Variants in IDH3B observed in about 807,000 individuals in gnomAD.
IDH3B encodes isocitrate dehydrogenase [NAD] subunit beta, mitochondrial.
A neutral mutation model predicts 47.5 loss-of-function variants in IDH3B; 40 were observed. That is an observed-to-expected ratio of 0.84 (90% CI 0.65 to 1.10). IDH3B has a LOEUF of 1.10. Ranked by LOEUF, IDH3B falls within the 50% of genes least tolerant of loss-of-function variation. The pLI, the probability that IDH3B is intolerant of heterozygous loss-of-function variation, is 0.00. For synonymous variants in IDH3B, 185 were observed against 191.0 expected (o/e 0.97, Z 0.26); for missense variants, 450 against 505.2 (o/e 0.89, Z 1.05).
Position 2,658,851 on chromosome 20 carries a change from C to T in IDH3B, c.1072-14G>A, listed in dbSNP as rs761146981. On this transcript the variant is annotated splice_polypyrimidine_tract_variant and intron_variant, in intron 11 of 11. Transcript: ENST00000380843. ...TCGAGTCCGCACCTACAGCCACCACCGGCAACAGCCGTGGGGAGGGAGAAA... is the reference window on the plus strand; with the variant it reads ...TCGAGTCCGCACCTACAGCCACCACTGGCAACAGCCGTGGGGAGGGAGAAA... The T allele has an allele frequency of 1.4e-5, 22 of 1,613,856 alleles. No homozygotes were observed. Among genetic ancestry groups the T allele is most frequent in the African/African-American group, 2.7e-5 (2 of 74,872 alleles).
At position 2,659,592 on chromosome 20, in the gene IDH3B, A is replaced by C; in HGVS notation, c.1011-7T>G. The stretch of plus-strand genomic sequence containing the variant: ...GCTGGAGTGATACTCAAGACTGTGG[A>C]TATGGACAGGAAGAAACTGTGACTC... On this transcript the variant is annotated splice_polypyrimidine_tract_variant and splice_region_variant and intron_variant, in intron 10 of 11. Transcript: ENST00000380843. 1 of 1,614,092 alleles carries C rather than the reference A, an allele frequency of 6.2e-7. No homozygotes were observed. The highest frequency in any genetic ancestry group is 1.7e-5 in the Admixed American group (1 of 60,024).
Position 2,658,850 on chromosome 20 carries a change from C to G in IDH3B, c.1072-13G>C. 1 of 1,614,048 alleles carries G rather than the reference C, an allele frequency of 6.2e-7. No homozygotes were observed. The highest frequency in any genetic ancestry group is 8.5e-7 in the Non-Finnish European group (1 of 1,180,020). On this transcript the variant is annotated splice_polypyrimidine_tract_variant and intron_variant, in intron 11 of 11. Transcript: ENST00000380843. ...CTCGAGTCCGCACCTACAGCCACCA[C>G]CGGCAACAGCCGTGGGGAGGGAGAA...
intron 4 of IDH3B, among the ~76,000 whole-genome samples, chr20:2,663,235 G>A (rs1230168226): frequency 6.6e-6 from 1 of 152,034 alleles, no homozygotes; most frequent in African/African-American, 2.4e-5. Flanking sequence ...CCTCAGGACA[G>A]ACTCAGAACC....
intron 11 of IDH3B, 65 bp downstream of exon 11, chr20:2,659,460 G>A (rs893888893): frequency 8.9e-6 from 14 of 1,569,030 alleles, no homozygotes; most frequent in African/African-American, 1.4e-5. Flanking sequence ...CCAGAGGGTA[G>A]TGCCGAGGTG....
In IDH3B at chr20:2,659,742, T is replaced by C. The variant is rs1337430813; in HGVS notation, c.967A>G (p.Thr323Ala). 6.2e-7 allele frequency: 1 copy of C among 1,614,078 alleles called. No individual in the cohort carries two copies. The highest frequency in any genetic ancestry group is 8.5e-7 in the Non-Finnish European group (1 of 1,179,990). The change falls in exon 10 of 12, where the codon ACG (threonine) becomes GCG (alanine). Residue 323 changes from threonine (T) to alanine (A), a missense_variant. Coordinates refer to ENST00000380843, the MANE Select transcript of IDH3B (RefSeq NM_006899.5). ...TTGGAAGCCGACAGCAGCATGGCCG[T>C]GGGATTGGCTATATTCCTGCCCACT... ...QAVGRNIANP[T>A]AMLLSASNML...
At position 2,658,741 on chromosome 20, in the gene IDH3B, A is replaced by G. The variant is rs748399410; in HGVS notation, c.*10T>C. 2 of 1,614,188 alleles carry G rather than the reference A, an allele frequency of 1.2e-6. No homozygotes were observed. Among genetic ancestry groups the G allele is most frequent in the South Asian group, 1.1e-5 (1 of 91,088 alleles). ...TGTGGTCCTTGCAAGGTTGGAAGAAATAAAGGGCTCTAGCTCCCTTTAGTC... is the reference window on the plus strand; with the variant it reads ...TGTGGTCCTTGCAAGGTTGGAAGAAGTAAAGGGCTCTAGCTCCCTTTAGTC... On this transcript the variant is annotated 3_prime_UTR_variant, in exon 12 of 12. Coordinates refer to ENST00000380843, the MANE Select transcript of IDH3B (RefSeq NM_006899.5).
chr20:2,658,903 A>C (rs1363114454), intron 11 of IDH3B, 66 bp from the exon 12 acceptor site: 2 of 1,605,740 alleles, frequency 1.2e-6, no homozygotes, highest in South Asian at 2.2e-5. Flanking sequence ...GAGGTAGGGC[A>C]ATGTGATTGA....
intron 4 of IDH3B, among the ~76,000 whole-genome samples, 169 bp downstream of exon 4, chr20:2,663,277 G>A (rs1463334623): frequency 6.6e-6 from 1 of 152,224 alleles, no homozygotes; most frequent in East Asian, 1.9e-4. Context: ...CAGCTGACAT[G>A]ATCTCTCAAC....
intron 11 of IDH3B, 141 bp from the exon 12 acceptor site, chr20:2,658,978 G>A: frequency 3.0e-6 from 4 of 1,324,064 alleles, no homozygotes; most frequent in Admixed American, 3.1e-5. Flanking sequence ...GGAAGGAGGA[G>A]CCAGGATGGG....
intron 4 of IDH3B, among the ~76,000 whole-genome samples, chr20:2,662,605 G>A (rs570863756): frequency 2.0e-5 from 3 of 152,130 alleles, no homozygotes; most frequent in Non-Finnish European, 4.4e-5. Context: ...GATCACTTGA[G>A]GTCAAGAGTT....
rs745423318 is a variant in IDH3B, at chr20:2,664,051, C to T, written c.37-46G>A. 1.4e-5 allele frequency: 22 copies of T among 1,611,878 alleles called. No homozygotes were observed. In the Admixed American group the frequency reaches 3.7e-4, roughly 27 times the overall value. ...CCTGTAAGGTCAGCTTTGAGACATC[C>T]AGACCCCGAACACTACAGTTGACTT... On this transcript the variant is annotated intron_variant, in intron 1 of 11. Coordinates refer to ENST00000380843, the MANE Select transcript of IDH3B (RefSeq NM_006899.5).
At chr20:2,659,348 CAA>C (rs2086891804) in intron 11 of IDH3B, 175 bp downstream of exon 11, 2 of 1,572,026 alleles carry the variant, frequency 1.3e-6, no homozygotes, top group Admixed American at 1.8e-5. Flanking sequence ...ATGAAACAGC[CAA>C]GAGAAGGGAG....
Position 2,664,176 on chromosome 20 carries a change from T to C in IDH3B, c.13A>G (p.Ser5Gly). The change falls in exon 1 of 12, where the codon AGC (serine) becomes GGC (glycine). Residue 5 changes from serine to glycine, a missense_variant. Ser to Gly is a moderately conservative substitution (Grantham distance 56, BLOSUM62 0). Coordinates refer to ENST00000380843, the MANE Select transcript of IDH3B (RefSeq NM_006899.5). MAAL[S>G]GVRWLTRALV... is the part of the protein sequence containing the mutation. Reference sequence around the variant, plus strand: ...ACTCGGGTCAGCCAGCGGACTCCGCTCAATGCCGCCATGTTTCCCGCAGGA... The same window carrying C: ...ACTCGGGTCAGCCAGCGGACTCCGCCCAATGCCGCCATGTTTCCCGCAGGA... 1.9e-6 allele frequency: 3 copies of C among 1,613,610 alleles called. No homozygotes were observed. Among genetic ancestry groups the C allele is most frequent in the African/African-American group, 1.3e-5 (1 of 75,058 alleles).
intron 4 of IDH3B, 86 bp downstream of exon 4, chr20:2,663,360 A>T (rs1193334162): frequency 2.8e-5 from 41 of 1,488,948 alleles, no homozygotes; most frequent in Non-Finnish European, 3.8e-5. Context: ...ATATAATTGC[A>T]TAGCATGTGG....
rs372695739 is a variant in IDH3B, at chr20:2,664,105, C to G, written c.36+48G>C. On this transcript the variant is annotated intron_variant, in intron 1 of 11. Coordinates refer to ENST00000380843, the MANE Select transcript of IDH3B (RefSeq NM_006899.5). Reference sequence around the variant, plus strand: ...CCTGTTTAGGAAACCCTAGGACAAACTCTCCGCTCCTTCGCCCGCCCCTGC... The same window carrying G: ...CCTGTTTAGGAAACCCTAGGACAAAGTCTCCGCTCCTTCGCCCGCCCCTGC... 13 of 1,607,098 alleles carry G rather than the reference C, an allele frequency of 8.1e-6. No individual in the cohort carries two copies. The African/African-American group carries it at 1.7e-4, about 21-fold the overall frequency.
In IDH3B at chr20:2,658,798, C is replaced by T. The variant is rs748311431; in HGVS notation, c.1111G>A (p.Asp371Asn). 7 of 1,614,172 alleles carry T rather than the reference C, an allele frequency of 4.3e-6. No individual in the cohort carries two copies. The highest frequency in any genetic ancestry group is 1.1e-5 in the South Asian group (1 of 91,084). The change falls in exon 12 of 12, where the codon GAC (aspartate) becomes AAC (asparagine). Residue 371 changes from aspartate (D) to asparagine (N), a missense_variant. Coordinates refer to ENST00000380843, the MANE Select transcript of IDH3B (RefSeq NM_006899.5). The part of the protein sequence containing the change: ...RDMGGYSTTT[D>N]FIKSVIGHLQ... ...TGACCGATGACAGACTTGATGAAGT[C>T]GGTTGTGGTGCTGTAGCCGCCCATG... is the stretch of plus-strand genomic sequence containing the variant.
intron 4 of IDH3B, among the ~76,000 whole-genome samples, chr20:2,661,749 G>T (rs1383845590): frequency 6.6e-6 from 1 of 152,254 alleles, no homozygotes; most frequent in South Asian, 2.1e-4. Context: ...TGAAAGACAT[G>T]ATAAGTACCA....
Position 2,660,351 on chromosome 20 carries a change from C to G in IDH3B, c.680G>C (p.Gly227Ala). The G allele has an allele frequency of 6.2e-7, 1 of 1,614,122 alleles. No homozygotes were observed. The highest frequency in any genetic ancestry group is 1.7e-5 in the Admixed American group (1 of 60,020). The stretch of plus-strand genomic sequence containing the variant: ...TTCCTCACAGCACTGCAGGAACAAC[C>G]CATCCCCAAGTTTCCTGTCCATGGG... ...HKANIMKLGDGLFLQCCEEVA... is the reference protein window; with the variant it reads ...HKANIMKLGDALFLQCCEEVA... Residue 227 changes from glycine to alanine, a missense_variant, in exon 8 of 12, where the codon GGG (glycine) becomes GCG (alanine). Transcript: ENST00000380843. This position sits in a 1 kb window ranked among gnomAD's most constrained non-coding sequence, Gnocchi z 5.6.
At position 2,663,694 on chromosome 20, in the gene IDH3B, G is replaced by C; in HGVS notation, c.182C>G (p.Pro61Arg). 2.5e-6 allele frequency: 4 copies of C among 1,614,194 alleles called. No individual in the cohort carries two copies. Among genetic ancestry groups the C allele is most frequent in the Non-Finnish European group, 3.4e-6 (4 of 1,180,048 alleles). The part of the protein sequence containing the change: ...VTMLPGDGVG[P>R]ELMHAVKEVF... ...CTCCTTGACGGCGTGCATCAGCTCA[G>C]GCCCCACACCGTCTCCCGGAAGCAT... is the stretch of plus-strand genomic sequence containing the variant. The change falls in exon 3 of 12, where the codon CCT becomes CGT. Residue 61 changes from proline (P) to arginine (R), a missense_variant. Transcript: ENST00000380843.
Sources: gnomAD v4.1 joint callset for allele counts (sites outside exome capture counted in the v4.1 genomes callset) on GRCh38, gnomAD v4.1.1 for gene constraint, Gnocchi (gnomAD v3.1) non-coding constraint, MANE v1.5 for transcripts, NCBI Gene and HGNC (gene_info 2026-07-23, HGNC 2026-07-21) for gene names.